Variants in NDC80 observed in about 807,000 individuals in gnomAD.
The protein encoded by NDC80 is kinetochore protein NDC80 homolog.
A neutral mutation model predicts 89.3 loss-of-function variants in NDC80; 69 were observed. That is an observed-to-expected ratio of 0.77 (90% confidence interval 0.64 to 0.94). The LOEUF is 0.94. Among genes scored for constraint, NDC80 ranks in the 40% least tolerant of loss-of-function variants. NDC80 has a pLI of 0.00. For missense variants in NDC80, 593 were observed against 739.6 expected, an observed-to-expected ratio of 0.80 and a Z score of 2.30; for synonymous variants, 243 against 255.6, an observed-to-expected ratio of 0.95 and a Z score of 0.47.
chr18:2,576,929 A>G (rs2072549575), intron 3 of NDC80, among the ~76,000 whole-genome samples: 1 of 152,190 alleles, frequency 6.6e-6, no homozygotes, highest in African/African-American at 2.4e-5. Flanking sequence ...ATATTTAGAG[A>G]TGAAGTACTT....
chr18:2,613,445 C>A (rs530957400), intron 16 of NDC80, among the ~76,000 whole-genome samples: 31 of 152,064 alleles, frequency 2.0e-4, no homozygotes, highest in Non-Finnish European at 4.1e-4. Context: ...AAAGACCAGT[C>A]TCTGTGATTA....
In NDC80 at chr18:2,606,443, G is replaced by C. The variant is rs1156987066; in HGVS notation, c.1493G>C (p.Arg498Thr). The change falls in exon 14 of 17, where the codon AGA becomes ACA. Residue 498 changes from arginine (R) to threonine (T), a missense_variant. Arg to Thr is a moderately conservative substitution (Grantham distance 71). Transcript: ENST00000261597. ...AATGCAATGATAACAGAAAGCAAGA[G>C]AAGTGTGAGAACTCTGAAAGAAGAA... ...QLNAMITESK[R>T]SVRTLKEEVQ... 5 of 1,603,264 alleles carry C rather than the reference G, an allele frequency of 3.1e-6. No homozygotes were observed. The highest frequency in any genetic ancestry group is 4.3e-6 in the Non-Finnish European group (5 of 1,174,396).
intron 13 of NDC80, among the ~76,000 whole-genome samples, chr18:2,604,702 A>G (rs2072701339): frequency 1.3e-5 from 2 of 152,138 alleles, no homozygotes; most frequent in Non-Finnish European, 2.9e-5. Context: ...AACAAAGAGC[A>G]CAGCATATTA....
rs374913154 is a variant in NDC80, at chr18:2,596,942, C to T, written c.1221+1321C>T. On this transcript the variant is annotated intron_variant, in intron 11 of 16. Transcript: ENST00000261597. ...ATTGCAAGGACAAAAAACCAAACAC[C>T]GCATATTCTCACTCATAGGTGGGAA... Among the ~76,000 whole-genome samples, 13 of 151,860 alleles carry T rather than the reference C, an allele frequency of 8.6e-5. No homozygotes were observed. In the South Asian group the frequency reaches 1.9e-3, roughly 22 times the overall value.
At chr18:2,608,483 G>A (rs11080965) in intron 14 of NDC80, among the ~76,000 whole-genome samples, 58,697 of 151,968 alleles carry the variant, frequency 0.39, 12,512 homozygotes, top group East Asian at 0.68. Context: ...TGGGATGACG[G>A]GCATGAGCCA....
chr18:2,573,089 G>A lies in NDC80; in HGVS notation c.101+3G>A, dbSNP rs555517452. 3 of 1,604,618 alleles carry A rather than the reference G, an allele frequency of 1.9e-6. No homozygotes were observed. The South Asian group carries it at 3.3e-5, about 18-fold the overall frequency. On this transcript the variant is annotated splice_donor_region_variant and intron_variant, in intron 2 of 16. Transcript: ENST00000261597. ...CAAGGCCTCTATACCCCTCAAACGT[G>A]AGTATTTCCCTTGTGGTTCTAATTT... is the stretch of plus-strand genomic sequence containing the variant.
rs373117985 is a variant in NDC80 at position 2,572,972 on chromosome 18, T to C, written c.-9-5T>C. The C allele has an allele frequency of 6.2e-7, 1 of 1,608,502 alleles. No individual in the cohort carries two copies. The highest frequency in any genetic ancestry group is 8.5e-7 in the Non-Finnish European group (1 of 1,177,906). On this transcript the variant is annotated splice_region_variant and splice_polypyrimidine_tract_variant and intron_variant, in intron 1 of 16. Transcript: ENST00000261597. The stretch of plus-strand genomic sequence containing the variant: ...TTTTTTTAAATACTGAATTCGTGAA[T>C]GTAGGTCATAAGCATGAAGCGCAGT...
At position 2,614,649 on chromosome 18, in the gene NDC80, G is replaced by T. The variant is rs562382514; in HGVS notation, c.1792-1788G>T. On this transcript the variant is annotated intron_variant, in intron 16 of 16. Coordinates refer to ENST00000261597, the MANE Select transcript of NDC80 (RefSeq NM_006101.3). ...AGAAAGAAAGAAAGAAAGAAAGAAA[G>T]AAAGAAATAAATTTGGCAATCCGAA... is the stretch of plus-strand genomic sequence containing the variant. 4.9e-4 allele frequency among the ~76,000 whole-genome samples: 45 copies of T among 90,962 alleles called. 7 individuals are homozygous for T. Among genetic ancestry groups the T allele is most frequent in the Non-Finnish European group, 9.6e-4 (39 of 40,764 alleles). 59.7% of individuals were successfully genotyped at this position (90,962 alleles called of 152,430 possible).
intron 12 of NDC80, 146 bp downstream of exon 12, chr18:2,599,317 T>C: frequency 1.5e-6 from 1 of 657,322 alleles, no homozygotes; most frequent in Non-Finnish European, 2.3e-6. Flanking sequence ...GTCATAGAAA[T>C]CTTCTACTAT....
Position 2,589,354 on chromosome 18 carries a change from C to T in NDC80, c.870+44C>T, listed in dbSNP as rs761767025. The T allele has an allele frequency of 8.3e-6, 11 of 1,318,618 alleles. No individual in the cohort carries two copies. In the Admixed American group the frequency reaches 1.5e-4, roughly 18 times the overall value. 81.7% of individuals were successfully genotyped at this position (1,318,618 alleles called of 1,614,324 possible). A position where few individuals can be genotyped will look rare whatever the true frequency, so the allele number is the denominator to read the frequency against. ...ACACTTACTTGAGAGCTCTTTTAGA[C>T]TTTTGGGTGTCCTTGGATATTAGCT... On this transcript the variant is annotated intron_variant, in intron 9 of 16. Transcript: ENST00000261597.
intron 7 of NDC80, among the ~76,000 whole-genome samples, chr18:2,587,074 A>G (rs1051845433): frequency 3.4e-5 from 5 of 148,412 alleles, no homozygotes; most frequent in African/African-American, 1.2e-4. Flanking sequence ...TTCCAGTTAC[A>G]GGAATACTCA....
chr18:2,613,707 G>C (rs2072756959), intron 16 of NDC80, among the ~76,000 whole-genome samples: 1 of 151,920 alleles, frequency 6.6e-6, no homozygotes, highest in South Asian at 2.1e-4. Flanking sequence ...GACACAAAAA[G>C]CACAAACCAC....
chr18:2,598,377 A>G (rs1284462197), intron 11 of NDC80, among the ~76,000 whole-genome samples: 1 of 152,226 alleles, frequency 6.6e-6, no homozygotes, highest in Non-Finnish European at 1.5e-5. Context: ...TGGAACTTAT[A>G]TTCAGAAAGT....
rs2072650086 is a variant in NDC80, at chr18:2,595,495, C to T, written c.1095C>T (p.Asp365=). 1 of 1,613,548 alleles carries T rather than the reference C, an allele frequency of 6.2e-7. No homozygotes were observed. ...IIDNQKYSVA[D]IERINHERNE... ...ACAACCAGAAGTACTCAGTTGCAGA[C>T]ATTGAGCGAATAAATCATGAAAGAA... The change falls in exon 11 of 17, where the codon GAC becomes GAT. Residue 365 remains aspartate, a synonymous_variant. Coordinates refer to ENST00000261597, the MANE Select transcript of NDC80 (RefSeq NM_006101.3).
In NDC80 at chr18:2,616,484, A is replaced by C. The variant is rs774758882; in HGVS notation, c.1839A>C (p.Glu613Asp). ...CTAAAGTTGATAGAGAATATGAAGA[A>C]TGCATGTCAGAAGATCTCTCGGAAA... The part of the protein sequence containing the change: ...QIAKVDREYE[E>D]CMSEDLSENI... Residue 613 changes from glutamate (E) to aspartate (D), a missense_variant, in exon 17 of 17, where the codon GAA (glutamate) becomes GAC (aspartate). Transcript: ENST00000261597. 9.7e-6 allele frequency: 15 copies of C among 1,542,868 alleles called. No individual in the cohort carries two copies. Among genetic ancestry groups the C allele is most frequent in the Non-Finnish European group, 1.3e-5 (15 of 1,137,314 alleles).
intron 10 of NDC80, chr18:2,593,595 A>G (rs2072638810): frequency 6.3e-6 from 1 of 158,932 alleles, no homozygotes; most frequent in Non-Finnish European, 1.4e-5. Flanking sequence ...CAGTTCTCAG[A>G]CAATAACTTT....
intron 6 of NDC80, among the ~76,000 whole-genome samples, chr18:2,580,741 T>TTTTTTTTG (rs2072573257): frequency 9.7e-6 from 1 of 103,488 alleles, no homozygotes; most frequent in Non-Finnish European, 1.8e-5. Context: ...ATTTTTTTTT[T>TTTTTTTTG]TTTTTTTTTT....
chr18:2,600,228 A>G (rs1054535691), intron 12 of NDC80, among the ~76,000 whole-genome samples: 1 of 152,014 alleles, frequency 6.6e-6, no homozygotes, highest in Non-Finnish European at 1.5e-5. Flanking sequence ...ATCTCTAGAA[A>G]TAGTTTTACA....
In NDC80 at chr18:2,616,525, G is replaced by C. The variant is rs775439811; in HGVS notation, c.1880G>C (p.Arg627Thr). 6.0e-6 allele frequency: 9 copies of C among 1,492,930 alleles called. No individual in the cohort carries two copies. The highest frequency in any genetic ancestry group is 8.2e-6 in the Non-Finnish European group (9 of 1,101,406). The allele number at this position is 1,492,930 out of a possible 1,614,324, so 92.5% of individuals were successfully genotyped here. ...EDLSENIKEI[R>T]DKYEKKATLI... is the part of the protein sequence containing the mutation. ...CTCTCGGAAAATATTAAAGAGATTA[G>C]AGATAAGTATGAGAAGAAAGCTACT... Residue 627 changes from arginine (R) to threonine (T), a missense_variant, in exon 17 of 17, where the codon AGA (arginine) becomes ACA (threonine). Physicochemically the swap from Arg to Thr is moderately conservative, Grantham distance 71. Coordinates refer to ENST00000261597, the MANE Select transcript of NDC80 (RefSeq NM_006101.3).
Sources: gnomAD v4.1 joint callset for allele counts (sites outside exome capture counted in the v4.1 genomes callset) on GRCh38, gnomAD v4.1.1 for gene constraint, MANE v1.5 for transcripts, NCBI Gene and HGNC (gene_info 2026-07-23, HGNC 2026-07-21) for gene names.